The following SLC35F3 variants were observed in gnomAD, a reference collection of about 807,000 sequenced individuals.
The protein encoded by SLC35F3 is solute carrier family 35 member F3, also known as putative thiamine transporter SLC35F3.
A neutral mutation model predicts 49.9 loss-of-function variants in SLC35F3; 25 were observed. The observed-to-expected ratio is 0.50, with a 90% CI of 0.37 to 0.70. SLC35F3 has a LOEUF of 0.70. Ranked by LOEUF, SLC35F3 falls within the 30% of genes least tolerant of loss-of-function variation. The probability of loss-of-function intolerance (pLI) is 0.00; values close to 1 mark genes in which losing one functional copy is unlikely to be tolerated. For missense variants in SLC35F3, 525 were observed against 639.8 expected (o/e 0.82, Z 1.94); for synonymous variants, 275 against 265.4 (o/e 1.04, Z -0.35).
chr1:234,164,261 TC>T (rs1666277466), intron 2 of SLC35F3, among the ~76,000 whole-genome samples: 1 of 151,318 alleles, frequency 6.6e-6, no homozygotes, highest in Non-Finnish European at 1.5e-5. Context: ...CTTTCCCATC[TC>T]CCTCCCTTAC....
chr1:234,207,924 G>A lies in SLC35F3; in HGVS notation c.284-23493G>A, dbSNP rs112505607. On this transcript the variant is annotated intron_variant, in intron 2 of 7. Coordinates refer to ENST00000366618, the MANE Select transcript of SLC35F3 (RefSeq NM_173508.4). ...CTCAGGAGGCTTAGGTGGAAAGATT[G>A]CTTGAGCCTAGGAGTTCAAGGCTGC... Among the ~76,000 whole-genome samples the A allele has an allele frequency of 5.7e-3, 866 of 152,304 alleles. 12 individuals carry two copies. Among genetic ancestry groups the A allele is most frequent in the African/African-American group, 0.02 (828 of 41,564 alleles).
chr1:234,256,127 G>A (rs1223017618), intron 3 of SLC35F3, among the ~76,000 whole-genome samples: 2 of 152,078 alleles, frequency 1.3e-5, no homozygotes, highest in Non-Finnish European at 2.9e-5. Flanking sequence ...TAATTTTAAT[G>A]TCATAAGAGT....
At chr1:234,238,991 A>G (rs1195975233) in intron 3 of SLC35F3, among the ~76,000 whole-genome samples, 1 of 152,188 alleles carries the variant, frequency 6.6e-6, no homozygotes, top group Admixed American at 6.5e-5. Context: ...GCCAACGCTC[A>G]TGTTTGTGTT....
intron 2 of SLC35F3, among the ~76,000 whole-genome samples, chr1:233,914,369 T>C (rs1571976914): frequency 6.6e-6 from 1 of 152,080 alleles, no homozygotes. Flanking sequence ...GCAGTGGTGG[T>C]TTCCAGGACT....
chr1:234,052,080 G>C (rs1027353955), intron 2 of SLC35F3, among the ~76,000 whole-genome samples: 1 of 152,170 alleles, frequency 6.6e-6, no homozygotes, highest in Non-Finnish European at 1.5e-5. Flanking sequence ...ATGTTCATCA[G>C]GGATATTGGT....
chr1:234,225,542 G>A, intron 2 of SLC35F3, among the ~76,000 whole-genome samples: 1 of 152,204 alleles, frequency 6.6e-6, no homozygotes. Flanking sequence ...GCAATTAGAT[G>A]CACTTAAGCC....
intron 4 of SLC35F3, among the ~76,000 whole-genome samples, chr1:234,316,324 G>A (rs184314448): frequency 2.1e-3 from 318 of 152,222 alleles, no homozygotes; most frequent in Non-Finnish European, 3.5e-3. Flanking sequence ...CCTAAGAATC[G>A]CAGTGACTGG....
chr1:233,980,578 A>C (rs1030863361), intron 2 of SLC35F3, among the ~76,000 whole-genome samples: 32 of 152,336 alleles, frequency 2.1e-4, no homozygotes, highest in Admixed American at 1.5e-3. Flanking sequence ...TCGTGGGAGA[A>C]GGCAAGGTGC....
intron 2 of SLC35F3, among the ~76,000 whole-genome samples, chr1:234,128,521 G>A (rs1164847745): frequency 6.6e-6 from 1 of 152,170 alleles, no homozygotes; most frequent in African/African-American, 2.4e-5. Context: ...GGCGGAGGTG[G>A]AGCATTAGGA....
At chr1:234,304,603 G>A (rs1313212629) in intron 3 of SLC35F3, among the ~76,000 whole-genome samples, 3 of 151,968 alleles carry the variant, frequency 2.0e-5, no homozygotes, top group Admixed American at 6.6e-5. Context: ...TTAGTCCTTC[G>A]GTTCAGCTCA....
chr1:234,084,908 A>G (rs1434051399), intron 2 of SLC35F3, among the ~76,000 whole-genome samples: 1 of 152,200 alleles, frequency 6.6e-6, no homozygotes, highest in Non-Finnish European at 1.5e-5. Context: ...TTAGAAGTGG[A>G]TATTCTGCAG....
At chr1:234,088,154 A>G (rs1239985697) in intron 2 of SLC35F3, among the ~76,000 whole-genome samples, 1 of 152,054 alleles carries the variant, frequency 6.6e-6, no homozygotes, top group Non-Finnish European at 1.5e-5. Flanking sequence ...CTCAGTAAAC[A>G]GTTTTGTTGT....
chr1:234,125,271 T>A (rs1665630135), intron 2 of SLC35F3, among the ~76,000 whole-genome samples: 1 of 152,032 alleles, frequency 6.6e-6, no homozygotes, highest in African/African-American at 2.4e-5. Flanking sequence ...CACGCTGATA[T>A]AACAAACGAC....
At chr1:234,238,614 C>CT (rs1667510579) in intron 3 of SLC35F3, among the ~76,000 whole-genome samples, 1 of 152,094 alleles carries the variant, frequency 6.6e-6, no homozygotes, top group African/African-American at 2.4e-5. Context: ...CCTCTGGCAT[C>CT]TCCCCCCACC....
intron 2 of SLC35F3, among the ~76,000 whole-genome samples, chr1:234,230,000 C>T (rs1350666652): frequency 6.6e-6 from 1 of 152,160 alleles, no homozygotes; most frequent in Non-Finnish European, 1.5e-5. Context: ...GTCAGAAGCT[C>T]AGAGGGTGGC....
At chr1:234,157,918 A>G (rs556466069) in intron 2 of SLC35F3, among the ~76,000 whole-genome samples, 1 of 152,272 alleles carries the variant, frequency 6.6e-6, no homozygotes, top group Non-Finnish European at 1.5e-5. Flanking sequence ...ATACGTCAAT[A>G]TTTTGTGATT....
chr1:234,156,465 T>C (rs1474715215), intron 2 of SLC35F3, among the ~76,000 whole-genome samples: 1 of 152,084 alleles, frequency 6.6e-6, no homozygotes, highest in Non-Finnish European at 1.5e-5. Context: ...AGACAGATAA[T>C]GTTGGTGAGG....
At chr1:234,252,911 A>G (rs781054383) in intron 3 of SLC35F3, among the ~76,000 whole-genome samples, 5 of 152,230 alleles carry the variant, frequency 3.3e-5, no homozygotes, top group Non-Finnish European at 7.3e-5. Context: ...CATGGACGAT[A>G]AAGTTTGAAC....
At chr1:234,223,292 G>A (rs1225196481) in intron 2 of SLC35F3, among the ~76,000 whole-genome samples, 5 of 152,142 alleles carry the variant, frequency 3.3e-5, no homozygotes, top group Admixed American at 2.0e-4. Context: ...TGATGGGTGG[G>A]AAAAGTGAGC....
Sources: allele counts gnomAD v4.1 joint callset (sites outside exome capture counted in the v4.1 genomes callset), GRCh38; gene constraint gnomAD v4.1.1; transcripts MANE v1.5; gene names NCBI Gene and HGNC (gene_info 2026-07-23, HGNC 2026-07-21).